Variants in FNBP1 observed in about 807,000 individuals in gnomAD.
The protein encoded by FNBP1 is formin-binding protein 1.
FNBP1 carries 26 observed loss-of-function variants against 90.6 expected under a neutral mutation model. The ratio of observed to expected loss-of-function variants is 0.29; its 90% confidence interval spans 0.21 to 0.40. FNBP1 has a LOEUF of 0.40. FNBP1 is among the 10% of genes least tolerant of loss of function. The probability of loss-of-function intolerance (pLI) is 1.00; values close to 1 mark genes in which losing one functional copy is unlikely to be tolerated. For missense variants in FNBP1, 635 were observed against 768.0 expected (o/e 0.83, Z 2.05); for synonymous variants, 260 against 265.2 (o/e 0.98, Z 0.19).
Position 129,960,602 on chromosome 9 carries a change from C to T in FNBP1, c.346-2049G>A, listed in dbSNP as rs574939205. On this transcript the variant is annotated intron_variant, in intron 4 of 16. Transcript: ENST00000446176. ...CTGGCGGCCAGATCTGGAGGAGCCT[C>T]GGGGAGAATATCATATGAGGTCAGA... 6.6e-5 allele frequency among the ~76,000 whole-genome samples: 10 copies of T among 151,922 alleles called. 1 individual carries two copies. The East Asian group carries it at 1.4e-3, about 21-fold the overall frequency.
intron 4 of FNBP1, among the ~76,000 whole-genome samples, chr9:129,963,496 A>G (rs2048129805): frequency 6.6e-6 from 1 of 152,030 alleles, no homozygotes; most frequent in South Asian, 2.1e-4. Flanking sequence ...TCTCATGAAG[A>G]CTGCTCAGCC....
chr9:130,032,448 G>C (rs967996410), intron 1 of FNBP1, among the ~76,000 whole-genome samples: 16 of 152,174 alleles, frequency 1.1e-4, no homozygotes, highest in African/African-American at 3.6e-4. Flanking sequence ...TGGGATTACA[G>C]GTATGAGCCA....
chr9:129,915,242 C>A (rs2040081335), intron 11 of FNBP1, among the ~76,000 whole-genome samples: 1 of 152,040 alleles, frequency 6.6e-6, no homozygotes, highest in African/African-American at 2.4e-5. Flanking sequence ...CTGCACAGCT[C>A]CTCCAGGCTC....
intron 6 of FNBP1, among the ~76,000 whole-genome samples, chr9:129,937,888 C>T (rs906439358): frequency 4.6e-5 from 7 of 151,814 alleles, no homozygotes; most frequent in African/African-American, 1.5e-4. Context: ...AAAGGCTGGC[C>T]GCGGTGGCTC....
intron 16 of FNBP1, among the ~76,000 whole-genome samples, chr9:129,893,894 G>A (rs1297984657): frequency 1.7e-4 from 23 of 132,388 alleles, no homozygotes; most frequent in Admixed American, 1.7e-4. Flanking sequence ...CCATCCTGGC[G>A]ACAGAGCGAG....
chr9:129,958,368 G>GTTACA (rs960193562), intron 5 of FNBP1, 123 bp downstream of exon 5: 9 of 684,618 alleles, frequency 1.3e-5, no homozygotes, highest in Non-Finnish European at 2.0e-5. Flanking sequence ...GGAAGCAGAG[G>GTTACA]TTACAGTGAG....
chr9:129,919,149 GTGA>G, intron 10 of FNBP1: 2 of 1,264,178 alleles, frequency 1.6e-6, no homozygotes, highest in Non-Finnish European at 2.1e-6. Context: ...GCCATCACAG[GTGA>G]ACTTACAACA....
chr9:130,036,509 G>T (rs2059325274), intron 1 of FNBP1, among the ~76,000 whole-genome samples: 1 of 152,314 alleles, frequency 6.6e-6, no homozygotes, highest in East Asian at 1.9e-4. Context: ...CAACAAAACT[G>T]ATATCTAAAT....
chr9:130,023,251 T>C (rs1045923699), intron 1 of FNBP1, among the ~76,000 whole-genome samples: 2 of 152,124 alleles, frequency 1.3e-5, no homozygotes, highest in Admixed American at 6.5e-5. Flanking sequence ...ACACCAGGTG[T>C]GGCCTATTCA....
chr9:129,942,741 C>T (rs1050810651), intron 6 of FNBP1, among the ~76,000 whole-genome samples: 2 of 152,016 alleles, frequency 1.3e-5, no homozygotes, highest in African/African-American at 4.8e-5. Flanking sequence ...GACTAAAAGC[C>T]CTTTGGAAAA....
At chr9:129,948,926 T>A (rs2045757829) in intron 6 of FNBP1, among the ~76,000 whole-genome samples, 1 of 152,086 alleles carries the variant, frequency 6.6e-6, no homozygotes. Context: ...CAAAGAATAC[T>A]TTATCTCGGT....
intron 2 of FNBP1, among the ~76,000 whole-genome samples, chr9:129,988,741 A>G (rs999350976): frequency 3.3e-5 from 5 of 152,240 alleles, no homozygotes; most frequent in East Asian, 1.9e-4. Flanking sequence ...TCAATTGCCA[A>G]TTGTTTGCAA....
chr9:129,902,040 T>A (rs1480435273), intron 13 of FNBP1, among the ~76,000 whole-genome samples: 1 of 152,156 alleles, frequency 6.6e-6, no homozygotes, highest in African/African-American at 2.4e-5. Context: ...GGAGAGTGGG[T>A]TCAGGAGGCT....
rs766666106 is a variant in FNBP1 at position 129,900,509 on chromosome 9, G to T, written c.1467C>A (p.Arg489=). Residue 489 remains arginine, a synonymous_variant, in exon 14 of 17, where the codon CGC becomes CGA. Coordinates refer to ENST00000446176, the MANE Select transcript of FNBP1 (RefSeq NM_015033.3). The surrounding 1 kb of genome is among the most constrained non-coding windows in gnomAD (Gnocchi z 4.1). The part of the protein sequence containing the change: ...LAEVEGRLPA[R]SEQARRQSGL... ...CGCTCTGCCGGCGCGCCTGCTCGCT[G>T]CGTGCTGGGAGCCGGCCTTCAACCT... 6.3e-7 allele frequency: 1 copy of T among 1,593,492 alleles called. No homozygotes were observed. The highest frequency in any genetic ancestry group is 1.8e-5 in the Admixed American group (1 of 55,646).
chr9:129,945,457 A>G (rs1365410233), intron 6 of FNBP1, among the ~76,000 whole-genome samples: 1 of 152,238 alleles, frequency 6.6e-6, no homozygotes, highest in Non-Finnish European at 1.5e-5. Context: ...TAGAAGAAAC[A>G]GAAACGTGGG....
chr9:129,926,661 C>T (rs1207670297), intron 8 of FNBP1, among the ~76,000 whole-genome samples: 4 of 151,848 alleles, frequency 2.6e-5, no homozygotes, highest in African/African-American at 4.8e-5. Flanking sequence ...CTGAGGCGGG[C>T]GGATTACCTG....
At chr9:130,049,209 A>G in the FNBP1 span, among the ~76,000 whole-genome samples, 1 of 151,994 alleles carries the variant, frequency 6.6e-6, no homozygotes, top group Non-Finnish European at 1.5e-5. Context: ...AGCAACATGG[A>G]AAAACCTGGT....
intron 1 of FNBP1, among the ~76,000 whole-genome samples, chr9:130,002,684 A>C (rs2055043226): frequency 6.6e-6 from 1 of 152,170 alleles, no homozygotes; most frequent in African/African-American, 2.4e-5. Flanking sequence ...TTCTTTATTA[A>C]TTACCTAGCC....
chr9:129,950,380 C>T (rs146100493), intron 6 of FNBP1, among the ~76,000 whole-genome samples: 25 of 152,254 alleles, frequency 1.6e-4, no homozygotes, highest in African/African-American at 5.1e-4. Context: ...CAAAACGATG[C>T]TCCCAGTGTA....
Sources: gnomAD v4.1 joint callset for allele counts (sites outside exome capture counted in the v4.1 genomes callset) on GRCh38, gnomAD v4.1.1 for gene constraint, Gnocchi (gnomAD v3.1) non-coding constraint, MANE v1.5 for transcripts, NCBI Gene and HGNC (gene_info 2026-07-23, HGNC 2026-07-21) for gene names.